TJP1: variants seen among roughly 807,000 people sequenced by gnomAD.
The protein encoded by TJP1 is tight junction protein ZO-1.
TJP1 carries 43 observed loss-of-function variants against 194.2 expected under a neutral mutation model. That is an observed-to-expected ratio of 0.22 (90% CI 0.17 to 0.29). TJP1 has a LOEUF of 0.29. Ranked by LOEUF, TJP1 falls within the 10% of genes least tolerant of loss-of-function variation. TJP1 has a pLI of 1.00. For missense variants in TJP1, 1,971 were observed against 2,185.7 expected (o/e 0.90, Z 1.96); for synonymous variants, 801 against 779.0 (o/e 1.03, Z -0.47).
chr15:29,891,562 C>T (rs1044583172), intron 2 of TJP1, among the ~76,000 whole-genome samples: 1 of 152,188 alleles, frequency 6.6e-6, no homozygotes, highest in Non-Finnish European at 1.5e-5. Context: ...TGTCTACTGG[C>T]ACCATTCTTC....
At chr15:29,857,905 G>A (rs1016354665) in intron 2 of TJP1, among the ~76,000 whole-genome samples, 3 of 152,092 alleles carry the variant, frequency 2.0e-5, no homozygotes, top group African/African-American at 7.2e-5. Flanking sequence ...GGGATTACAG[G>A]CACCAGTCAC....
chr15:29,948,992 C>A (rs1387040811), intron 2 of TJP1, among the ~76,000 whole-genome samples: 2 of 148,270 alleles, frequency 1.3e-5, no homozygotes. Context: ...ACAACCTACT[C>A]CTTCACCACC....
In TJP1 at chr15:29,708,611, G is replaced by T; in HGVS notation, c.4798C>A (p.Pro1600Thr). 6.2e-7 allele frequency: 1 copy of T among 1,614,006 alleles called. No individual in the cohort carries two copies. Among genetic ancestry groups the T allele is most frequent in the Non-Finnish European group, 8.5e-7 (1 of 1,179,886 alleles). ...CTGATATTATTTATTTGATATTTAG[G>T]CTTCTCTGCATGGATAGAGAAAGTT... ...VETFSIHAEK[P>T]KYQINNISTV... The change falls in exon 25 of 28, where the codon CCT becomes ACT. Residue 1600 changes from proline (P) to threonine (T), a missense_variant. Transcript: ENST00000614355.
intron 11 of TJP1, 76 bp downstream of exon 11, chr15:29,737,188 G>GT (rs1192990086): frequency 6.5e-7 from 1 of 1,532,120 alleles, no homozygotes; most frequent in Non-Finnish European, 8.9e-7. Flanking sequence ...AATTACAATA[G>GT]TAAGCTTGTT....
chr15:29,895,466 G>A (rs1408444569), intron 2 of TJP1, among the ~76,000 whole-genome samples: 1 of 152,118 alleles, frequency 6.6e-6, no homozygotes, highest in East Asian at 1.9e-4. Context: ...TTATAACAAT[G>A]ATCATGTTTC....
At chr15:29,875,470 A>T (rs905390776) in intron 2 of TJP1, among the ~76,000 whole-genome samples, 3 of 152,210 alleles carry the variant, frequency 2.0e-5, no homozygotes, top group African/African-American at 7.2e-5. Flanking sequence ...GCTTTTGTGC[A>T]AGTGTCTGAG....
At chr15:29,804,029 TAA>T (rs1158327795) in intron 1 of TJP1, among the ~76,000 whole-genome samples, 2 of 142,406 alleles carry the variant, frequency 1.4e-5, no homozygotes, top group African/African-American at 2.6e-5. Context: ...TCCTTATCTT[TAA>T]AAAAAAAAAA....
intron 1 of TJP1, among the ~76,000 whole-genome samples, chr15:29,961,442 G>A (rs544597719): frequency 5.2e-5 from 7 of 133,800 alleles, no homozygotes; most frequent in Admixed American, 9.1e-5. Flanking sequence ...TCCGCTTCCC[G>A]GGTTCACGCC....
At chr15:29,792,072 G>A (rs1212834438) in intron 2 of TJP1, among the ~76,000 whole-genome samples, 1 of 152,072 alleles carries the variant, frequency 6.6e-6, no homozygotes, top group East Asian at 1.9e-4. Flanking sequence ...CATTCTGTGG[G>A]TTGTTTCTTC....
In TJP1 at chr15:29,885,153, T is replaced by C. The variant is rs538306640; in HGVS notation, c.306+71079A>G. Among the ~76,000 whole-genome samples the C allele has an allele frequency of 7.9e-5, 12 of 152,306 alleles. No individual in the cohort carries two copies. In the East Asian group the frequency reaches 2.3e-3, roughly 29 times the overall value. On this transcript the variant is annotated intron_variant, in intron 2 of 28. Transcript: ENST00000356107. ...CCTCCTTTTCGGGTTCTGTTGTAGA[T>C]CTCGATCCTGTCCTCCTCCCGCAAC...
intron 8 of TJP1, among the ~76,000 whole-genome samples, chr15:29,750,009 A>G (rs1246100873): frequency 7.3e-6 from 1 of 136,596 alleles, no homozygotes; most frequent in Non-Finnish European, 1.6e-5. Flanking sequence ...TGTCCGGCTA[A>G]TTTTTTTTTT....
chr15:29,719,254 CATTT>C, intron 20 of TJP1, 116 bp from the exon 21 acceptor site: 2 of 1,227,318 alleles, frequency 1.6e-6, no homozygotes, highest in South Asian at 1.6e-5. Flanking sequence ...TATGTTTTAC[CATTT>C]ATTATCAGGA....
chr15:29,846,447 T>C (rs1376673174), intron 2 of TJP1, among the ~76,000 whole-genome samples: 2 of 152,076 alleles, frequency 1.3e-5, no homozygotes, highest in Non-Finnish European at 2.9e-5. Flanking sequence ...ACTTGCTGAT[T>C]TGATATCAGG....
At chr15:29,731,270 A>G (rs1463426028) in intron 15 of TJP1, among the ~76,000 whole-genome samples, 6 of 152,180 alleles carry the variant, frequency 3.9e-5, no homozygotes, top group Non-Finnish European at 8.8e-5. Context: ...ACTTTGACAC[A>G]CATGGCCACC....
At chr15:29,729,928 G>C (rs1158773409) in intron 15 of TJP1, among the ~76,000 whole-genome samples, 1 of 151,780 alleles carries the variant, frequency 6.6e-6, no homozygotes, top group Non-Finnish European at 1.5e-5. Context: ...TATGGGAACA[G>C]CTATATTCTT....
chr15:29,862,847 ACC>A (rs2052139977), intron 2 of TJP1, among the ~76,000 whole-genome samples: 1 of 150,284 alleles, frequency 6.7e-6, no homozygotes, highest in Non-Finnish European at 1.5e-5. Flanking sequence ...ACGGGGTTTC[ACC>A]GTGTTAGCCA....
In TJP1 at chr15:29,905,003, G is replaced by A. The variant is rs140582700; in HGVS notation, c.306+51229C>T. 2.1e-3 allele frequency among the ~76,000 whole-genome samples: 327 copies of A among 152,342 alleles called. 1 individual carries two copies. Among genetic ancestry groups the A allele is most frequent in the African/African-American group, 7.5e-3 (312 of 41,580 alleles). On this transcript the variant is annotated intron_variant, in intron 2 of 28. Transcript: ENST00000356107. ...TCCTCCCCTGGAACCTTTAGAGGAA[G>A]CATGGCCCTGCTACACCTTGAGTCA...
intron 1 of TJP1, chr15:29,821,524 G>A (rs1050537296): frequency 6.6e-6 from 1 of 152,238 alleles, no homozygotes; most frequent in East Asian, 1.9e-4. Flanking sequence ...GCATACCGCA[G>A]GGAGTGACAT....
At chr15:29,746,522 T>C (rs1187324537) in intron 8 of TJP1, among the ~76,000 whole-genome samples, 1 of 152,188 alleles carries the variant, frequency 6.6e-6, no homozygotes, top group African/African-American at 2.4e-5. Flanking sequence ...CATGCCCATG[T>C]ACAGACAAGC....
Sources: allele counts gnomAD v4.1 joint callset (sites outside exome capture counted in the v4.1 genomes callset), GRCh38; gene constraint gnomAD v4.1.1; transcripts MANE v1.5; gene names NCBI Gene and HGNC (gene_info 2026-07-23, HGNC 2026-07-21).